The following TOE1 variants were observed in gnomAD, a reference collection of about 807,000 sequenced individuals.
TOE1 encodes the protein target of EGR1 protein 1.
In TOE1, 50 loss-of-function variants were observed where a neutral mutation model predicts 49.2. That is an observed-to-expected ratio of 1.02 (90% CI 0.81 to 1.29). The LOEUF (loss-of-function observed/expected upper bound fraction) is 1.29, where lower values mean the gene tolerates loss of function less well. TOE1 is among the 50% of genes most tolerant of loss of function. TOE1 has a pLI of 0.00. For synonymous variants in TOE1, 221 were observed against 247.0 expected (o/e 0.89, Z 0.99); for missense variants, 544 against 654.4 (o/e 0.83, Z 1.84).
intron 1 of TOE1, 101 bp from the exon 2 acceptor site, chr1:45,340,972 G>C: frequency 6.5e-7 from 1 of 1,531,208 alleles, no homozygotes; most frequent in East Asian, 2.3e-5. Context: ...GCTACCAATG[G>C]AAACTACCCC....
Position 45,343,732 on chromosome 1 carries a change from CAG to C in TOE1, c.*33_*34del. On this transcript the variant is annotated 3_prime_UTR_variant, in exon 8 of 8. Coordinates refer to ENST00000372090, the MANE Select transcript of TOE1 (RefSeq NM_025077.4). This position sits in a 1 kb window ranked among gnomAD's most constrained non-coding sequence, Gnocchi z 4.3. ...ACTTCCACCTTGCTCTCAGGTGGAA[CAG>C]AGGTATTTTGGGTCTCTCTAGCCTG... 8 of 1,587,844 alleles carry C rather than the reference CAG, an allele frequency of 5.0e-6. No homozygotes were observed. Among genetic ancestry groups the C allele is most frequent in the Non-Finnish European group, 6.0e-6 (7 of 1,164,046 alleles).
intron 1 of TOE1, 40 bp downstream of exon 1, chr1:45,340,344 CTCTGGGAGAG>C: frequency 6.3e-7 from 1 of 1,594,362 alleles, no homozygotes; most frequent in East Asian, 2.3e-5. Flanking sequence ...AGCCTCTGCG[CTCTGGGAGAG>C]GGGAAGGCCT....
intron 3 of TOE1, 47 bp downstream of exon 3, chr1:45,341,390 G>T (rs748860427): frequency 4.0e-5 from 65 of 1,614,050 alleles, no homozygotes; most frequent in Non-Finnish European, 5.5e-5. Context: ...CAACTGTGGA[G>T]TGGGGGGGTC....
intron 4 of TOE1, 92 bp downstream of exon 4, chr1:45,341,661 C>T (rs1646989763): frequency 2.5e-6 from 3 of 1,213,360 alleles, no homozygotes; most frequent in East Asian, 2.6e-5. Context: ...CATTTCTCTC[C>T]CAAATCTTTT....
chr1:45,340,457 C>G lies in TOE1; in HGVS notation c.52+153C>G, dbSNP rs1352357984. 2.0e-6 allele frequency: 3 copies of G among 1,480,244 alleles called. No individual in the cohort carries two copies. In the East Asian group the frequency reaches 7.5e-5, roughly 37 times the overall value. The allele number at this position is 1,480,244 out of a possible 1,614,324, so 91.7% of individuals were successfully genotyped here. On this transcript the variant is annotated intron_variant, in intron 1 of 7. Coordinates refer to ENST00000372090, the MANE Select transcript of TOE1 (RefSeq NM_025077.4). ...GGAGACTACAAGTTCCGTTGTACAC[C>G]GCGGCTCCGGCTGCAAAAGCCTGGA...
chr1:45,342,468 C>A lies in TOE1; in HGVS notation c.577C>A (p.Leu193Ile), dbSNP rs770222170. ...ARRPLVLHNG[L>I]IDLVFLYQNF... is the part of the protein sequence containing the mutation. Reference sequence around the variant, plus strand: ...CCGGCCCCTGGTGCTACACAATGGCCTTATAGACTTGGTGTTCCTGTACCA... The same window carrying A: ...CCGGCCCCTGGTGCTACACAATGGCATTATAGACTTGGTGTTCCTGTACCA... The change falls in exon 6 of 8, where the codon CTT becomes ATT. Residue 193 changes from leucine (L) to isoleucine (I), a missense_variant. Physicochemically the swap from Leu to Ile is conservative, Grantham distance 5 (BLOSUM62 2). Transcript: ENST00000372090. 2 of 1,614,054 alleles carry A rather than the reference C, an allele frequency of 1.2e-6. No homozygotes were observed. Among genetic ancestry groups the A allele is most frequent in the Admixed American group, 1.7e-5 (1 of 60,000 alleles).
rs1291403356 is a variant in TOE1, at chr1:45,342,976, C to G, written c.886C>G (p.Pro296Ala). 3.1e-6 allele frequency: 5 copies of G among 1,613,746 alleles called. No individual in the cohort carries two copies. The African/African-American group carries it at 4.0e-5, about 13-fold the overall frequency. The change falls in exon 7 of 8, where the codon CCC becomes GCC. Residue 296 changes from proline (P) to alanine (A), a missense_variant. Transcript: ENST00000372090. ...CLPPATHRPHPTSICDNFSAY... is the reference protein window; with the variant it reads ...CLPPATHRPHATSICDNFSAY... ...GCCCCCAGCAACCCACCGTCCTCAT[C>G]CCACCAGCATCTGTGACAACTTCTC...
Position 45,343,929 on chromosome 1 carries a change from A to G in TOE1, c.*227A>G, listed in dbSNP as rs1176463384. ...TTTTAAGTCTGAAAATGTCTTGGGA[A>G]AGTTTTACAAAAAAAAAAATCAACA... On this transcript the variant is annotated 3_prime_UTR_variant, in exon 8 of 8. Transcript: ENST00000372090. This position sits in a 1 kb window ranked among gnomAD's most constrained non-coding sequence, Gnocchi z 4.3. 6.8e-6 allele frequency: 3 copies of G among 442,062 alleles called. No homozygotes were observed. The highest frequency in any genetic ancestry group is 5.8e-5 in the African/African-American group (3 of 51,486). 27.4% of individuals were successfully genotyped at this position (442,062 alleles called of 1,614,324 possible). A position where few individuals can be genotyped will look rare whatever the true frequency, so the allele number is the denominator to read the frequency against.
At position 45,342,378 on chromosome 1, in the gene TOE1, A is replaced by G; in HGVS notation, c.493-6A>G. On this transcript the variant is annotated splice_polypyrimidine_tract_variant and splice_region_variant and intron_variant, in intron 5 of 7. Transcript: ENST00000372090. ...CCTCCTCATTGACCCCTTTACTTTC[A>G]TCTAGGGTGATGAGAGCCAGAGCCA... 6.2e-7 allele frequency: 1 copy of G among 1,613,778 alleles called. No individual in the cohort carries two copies. Among genetic ancestry groups the G allele is most frequent in the South Asian group, 1.1e-5 (1 of 91,068 alleles).
Position 45,343,049 on chromosome 1 carries a change from GAGCCTCTTTCTA to G in TOE1, c.913-22_913-11del. On this transcript the variant is annotated intron_variant, in intron 7 of 7. Transcript: ENST00000372090. The surrounding 1 kb of genome is among the most constrained non-coding windows in gnomAD (Gnocchi z 4.3). ...TTGGGAGGGAAGGTTCTGATGCCTG[GAGCCTCTTTCTA>G]AGCCTCTTTCCCACCCCTAGGCTTA... 3.1e-6 allele frequency: 5 copies of G among 1,613,368 alleles called. No individual in the cohort carries two copies. Among genetic ancestry groups the G allele is most frequent in the Non-Finnish European group, 3.4e-6 (4 of 1,179,642 alleles).
intron 1 of TOE1, 65 bp from the exon 2 acceptor site, chr1:45,341,008 C>G: frequency 6.2e-7 from 1 of 1,606,954 alleles, no homozygotes; most frequent in Non-Finnish European, 8.5e-7. Flanking sequence ...CGTGGCCTAG[C>G]TTGGTGTCTG....
chr1:45,341,216 G>T lies in TOE1; in HGVS notation c.195+1G>T, dbSNP rs1646942486. 1.9e-6 allele frequency: 3 copies of T among 1,614,066 alleles called. No individual in the cohort carries two copies. Among genetic ancestry groups the T allele is most frequent in the African/African-American group, 1.3e-5 (1 of 74,918 alleles). On this transcript the variant is annotated splice_donor_variant, in intron 2 of 7. Transcript: ENST00000372090. LOFTEE classifies it high-confidence loss of function. ...AGCTAATTTCGTGGCTGTGGACACG[G>T]TGAGAGTTGGGAAACAAGGAGGGCA...
chr1:45,340,939 G>GTC, intron 1 of TOE1, 134 bp from the exon 2 acceptor site: 1 of 1,282,992 alleles, frequency 7.8e-7, no homozygotes, highest in Non-Finnish European at 1.1e-6. Flanking sequence ...AGAACACGTG[G>GTC]GTTACAAAGG....
chr1:45,341,140 A>C lies in TOE1; in HGVS notation c.120A>C (p.Gln40His). The C allele has an allele frequency of 6.2e-7, 1 of 1,614,174 alleles. No individual in the cohort carries two copies. Among genetic ancestry groups the C allele is most frequent in the Non-Finnish European group, 8.5e-7 (1 of 1,180,032 alleles). Residue 40 changes from glutamine to histidine, a missense_variant, in exon 2 of 8, where the codon CAA becomes CAC. By Grantham distance (24) the Gln-to-His change is conservative. Coordinates refer to ENST00000372090, the MANE Select transcript of TOE1 (RefSeq NM_025077.4). ...LVVQVPVVDVQSNNFKEMWPS... is the reference protein window; with the variant it reads ...LVVQVPVVDVHSNNFKEMWPS... ...TCCAGGTTCCCGTAGTGGATGTGCA[A>C]AGCAACAACTTCAAGGAGATGTGGC...
In TOE1 at chr1:45,343,794, A is replaced by C. The variant is rs1371771339; in HGVS notation, c.*92A>C. On this transcript the variant is annotated 3_prime_UTR_variant, in exon 8 of 8. Transcript: ENST00000372090. This position sits in a 1 kb window ranked among gnomAD's most constrained non-coding sequence, Gnocchi z 4.3. Reference sequence around the variant, plus strand: ...CCTCAACTGCTACTGAGTTTAGGGGAGGGGGAATGTCTTGACAGACATCAC... The same window carrying C: ...CCTCAACTGCTACTGAGTTTAGGGGCGGGGGAATGTCTTGACAGACATCAC... 1.4e-6 allele frequency: 2 copies of C among 1,435,294 alleles called. No homozygotes were observed. Among genetic ancestry groups the C allele is most frequent in the Non-Finnish European group, 1.9e-6 (2 of 1,054,650 alleles). 88.9% of individuals were successfully genotyped at this position (1,435,294 alleles called of 1,614,324 possible).
intron 1 of TOE1, 50 bp from the exon 2 acceptor site, chr1:45,341,023 C>T: frequency 6.2e-7 from 1 of 1,612,130 alleles, no homozygotes; most frequent in Non-Finnish European, 8.5e-7. Context: ...TGTCTGTTCC[C>T]CTGGGCTCTT....
At position 45,342,834 on chromosome 1, in the gene TOE1, C is replaced by T. The variant is rs1465838473; in HGVS notation, c.753-9C>T. On this transcript the variant is annotated splice_polypyrimidine_tract_variant and intron_variant, in intron 6 of 7. Coordinates refer to ENST00000372090, the MANE Select transcript of TOE1 (RefSeq NM_025077.4). The stretch of plus-strand genomic sequence containing the variant: ...GCTAGTGGACCATTACCCTCTTGCG[C>T]TGTTGCAGTGAACGGGAAAATGGGA... 1.2e-6 allele frequency: 2 copies of T among 1,614,080 alleles called. No individual in the cohort carries two copies. Among genetic ancestry groups the T allele is most frequent in the Non-Finnish European group, 1.7e-6 (2 of 1,179,966 alleles).
chr1:45,341,065 AC>A lies in TOE1; in HGVS notation c.53-3del. ...AGCATGAACATCCATCACCCTCCTA[AC>A]CCCCAGGTGGTGTCAGCAAAAGCAC... On this transcript the variant is annotated splice_polypyrimidine_tract_variant and splice_region_variant and intron_variant, in intron 1 of 7. Coordinates refer to ENST00000372090, the MANE Select transcript of TOE1 (RefSeq NM_025077.4). The A allele has an allele frequency of 6.2e-7, 1 of 1,613,832 alleles. No homozygotes were observed. Among genetic ancestry groups the A allele is most frequent in the Non-Finnish European group, 8.5e-7 (1 of 1,179,962 alleles).
At position 45,342,953 on chromosome 1, in the gene TOE1, C is replaced by T. The variant is rs1396853934; in HGVS notation, c.863C>T (p.Pro288Leu). Reference protein sequence around the residue: ...RDHIDYRCCLPPATHRPHPTS... With the variant: ...RDHIDYRCCLLPATHRPHPTS... ...CATATTGATTACCGCTGCTGCCTGCCCCCAGCAACCCACCGTCCTCATCCC... is the reference window on the plus strand; with the variant it reads ...CATATTGATTACCGCTGCTGCCTGCTCCCAGCAACCCACCGTCCTCATCCC... The change falls in exon 7 of 8, where the codon CCC (proline) becomes CTC (leucine). Residue 288 changes from proline to leucine, a missense_variant. Transcript: ENST00000372090. The T allele has an allele frequency of 1.2e-6, 2 of 1,613,532 alleles. No homozygotes were observed. Among genetic ancestry groups the T allele is most frequent in the Admixed American group, 3.3e-5 (2 of 59,908 alleles).
Sources: allele counts gnomAD v4.1 joint callset, GRCh38; gene constraint gnomAD v4.1.1; non-coding constraint Gnocchi (gnomAD v3.1); transcripts MANE v1.5; gene names NCBI Gene and HGNC (gene_info 2026-07-23, HGNC 2026-07-21).